The following CEMIP variants were observed in gnomAD, a reference collection of about 807,000 sequenced individuals.
CEMIP encodes the protein cell migration-inducing and hyaluronan-binding protein.
A neutral mutation model predicts 156.9 loss-of-function variants in CEMIP; 105 were observed. The observed-to-expected ratio is 0.67, with a 90% CI of 0.57 to 0.79. CEMIP has a LOEUF of 0.79. CEMIP is among the 30% of genes least tolerant of loss of function. The pLI, the probability that CEMIP is intolerant of heterozygous loss-of-function variation, is 0.00. For synonymous variants in CEMIP, 676 were observed against 668.4 expected (o/e 1.01, Z -0.17); for missense variants, 1,457 against 1,769.4 (o/e 0.82, Z 3.17).
At chr15:80,901,316 G>A (rs1899528899) in intron 12 of CEMIP, among the ~76,000 whole-genome samples, 1 of 152,096 alleles carries the variant, frequency 6.6e-6, no homozygotes. Context: ...TGAGGCTCAT[G>A]GAAATTAAAT....
rs114641784 is a variant in CEMIP, at chr15:80,940,616, A to G, written c.3408-1233A>G. 8.3e-3 allele frequency among the ~76,000 whole-genome samples: 1,261 copies of G among 152,304 alleles called. 20 individuals are homozygous for G. The highest frequency in any genetic ancestry group is 0.029 in the African/African-American group (1,208 of 41,572). ...GAGGCCTCTGTAACAGTCAGTTTCT[A>G]CTTTACTCTGAGATCACTTGATGTG... On this transcript the variant is annotated intron_variant, in intron 25 of 29. Coordinates refer to ENST00000394685, the MANE Select transcript of CEMIP (RefSeq NM_001293298.2).
intron 10 of CEMIP, among the ~76,000 whole-genome samples, chr15:80,894,175 C>T (rs1348438226): frequency 1.3e-5 from 2 of 152,172 alleles, no homozygotes; most frequent in Non-Finnish European, 2.9e-5. Context: ...ACCCAGAGCC[C>T]ACCATGCGGT....
In CEMIP at chr15:80,928,838, TCCA is replaced by T. The variant is rs1255812332; in HGVS notation, c.2421-62_2421-60del. On this transcript the variant is annotated intron_variant, in intron 19 of 29. Transcript: ENST00000394685. ...CCAAGGGCAGGGAAGTGTCCTTCTC[TCCA>T]CGACTCCACTGAATGTGAAGCCAGG... The T allele has an allele frequency of 5.0e-6, 8 of 1,603,318 alleles. No individual in the cohort carries two copies. In the East Asian group the frequency reaches 1.6e-4, roughly 31 times the overall value.
chr15:80,881,961 T>C (rs1898675571), intron 6 of CEMIP, among the ~76,000 whole-genome samples: 1 of 152,162 alleles, frequency 6.6e-6, no homozygotes, highest in Non-Finnish European at 1.5e-5. Flanking sequence ...CTGCCAAGGC[T>C]GGACCTGCCC....
chr15:80,815,470 A>C (rs1311285836), intron 1 of CEMIP, among the ~76,000 whole-genome samples: 1 of 152,260 alleles, frequency 6.6e-6, no homozygotes, highest in Non-Finnish European at 1.5e-5. Context: ...CATATGGAAA[A>C]TGCACAGTAC....
At chr15:80,907,204 A>G (rs1239914530) in intron 13 of CEMIP, among the ~76,000 whole-genome samples, 1 of 152,256 alleles carries the variant, frequency 6.6e-6, no homozygotes, top group African/African-American at 2.4e-5. Context: ...AACTTGCAAA[A>G]GGTCACATTT....
chr15:80,863,989 G>T (rs920480590), intron 1 of CEMIP, among the ~76,000 whole-genome samples: 2 of 151,756 alleles, frequency 1.3e-5, no homozygotes, highest in African/African-American at 2.4e-5. Flanking sequence ...CCCTCTTTTG[G>T]GATCTGTGCT....
intron 1 of CEMIP, among the ~76,000 whole-genome samples, chr15:80,863,747 G>A (rs141154249): frequency 1.4e-4 from 21 of 152,280 alleles, no homozygotes; most frequent in East Asian, 5.8e-4. Flanking sequence ...GAGGAAGTTC[G>A]TGGGACTAAG....
intron 14 of CEMIP, among the ~76,000 whole-genome samples, chr15:80,917,971 G>A (rs1261218720): frequency 2.6e-5 from 4 of 152,152 alleles, no homozygotes; most frequent in Non-Finnish European, 2.9e-5. Flanking sequence ...GGGAGTAGGC[G>A]GCTGTCATAT....
rs760927245 is a variant in CEMIP at position 80,941,973 on chromosome 15, A to G, written c.3532A>G (p.Thr1178Ala). 3.1e-6 allele frequency: 5 copies of G among 1,613,936 alleles called. No individual in the cohort carries two copies. In the African/African-American group the frequency reaches 5.3e-5, roughly 17 times the overall value. ...AAAGAACGCAGGCGTCAGTGACTGC[A>G]CAGCCACAGCTTACCCCAAGTTCAC... ...IPKNAGVSDC[T>A]ATAYPKFTER... is the part of the protein sequence containing the mutation. Residue 1178 changes from threonine to alanine, a missense_variant, in exon 26 of 30, where the codon ACA becomes GCA. Around this residue, in one of 5 missense-constraint regions of CEMIP, gnomAD observed 798 missense variants for 980.1 expected, o/e 0.81. Coordinates refer to ENST00000394685, the MANE Select transcript of CEMIP (RefSeq NM_001293298.2).
intron 1 of CEMIP, among the ~76,000 whole-genome samples, chr15:80,815,975 C>T (rs927314523): frequency 6.6e-6 from 1 of 152,258 alleles, no homozygotes; most frequent in African/African-American, 2.4e-5. Flanking sequence ...AGTCCATTAC[C>T]GGTGCCCTCT....
intron 21 of CEMIP, among the ~76,000 whole-genome samples, chr15:80,929,472 TC>T (rs898434863): frequency 1.3e-5 from 2 of 152,122 alleles, no homozygotes; most frequent in African/African-American, 4.8e-5. Flanking sequence ...GGACTGTGAG[TC>T]CTTTTCTCTG....
intron 14 of CEMIP, among the ~76,000 whole-genome samples, chr15:80,910,863 G>T (rs1900023841): frequency 6.6e-6 from 1 of 152,226 alleles, no homozygotes; most frequent in African/African-American, 2.4e-5. Flanking sequence ...GACTGTGCTG[G>T]AGCCATTGCT....
intron 1 of CEMIP, among the ~76,000 whole-genome samples, chr15:80,826,900 A>G (rs1271079796): frequency 6.6e-6 from 1 of 152,196 alleles, no homozygotes; most frequent in East Asian, 1.9e-4. Context: ...TCTGTTTAGC[A>G]TAACATCCTC....
intron 1 of CEMIP, among the ~76,000 whole-genome samples, chr15:80,820,558 G>T (rs890746387): frequency 2.0e-5 from 3 of 152,150 alleles, no homozygotes; most frequent in Non-Finnish European, 4.4e-5. Flanking sequence ...CAGGAGGGCT[G>T]GCTTGGCTGC....
intron 1 of CEMIP, among the ~76,000 whole-genome samples, chr15:80,817,903 T>C (rs969218987): frequency 3.3e-5 from 5 of 152,198 alleles, no homozygotes; most frequent in African/African-American, 1.2e-4. Context: ...ATTTCCATTT[T>C]GGCAATAGGT....
At chr15:80,940,818 C>G (rs1901307275) in intron 25 of CEMIP, among the ~76,000 whole-genome samples, 1 of 152,194 alleles carries the variant, frequency 6.6e-6, no homozygotes, top group South Asian at 2.1e-4. Flanking sequence ...GTCTCTCCAT[C>G]TCCCCATGTT....
At position 80,909,411 on chromosome 15, in the gene CEMIP, A is replaced by G; in HGVS notation, c.1797+105A>G. The G allele has an allele frequency of 3.5e-6, 4 of 1,143,112 alleles. No homozygotes were observed. In the South Asian group the frequency reaches 5.2e-5, roughly 15 times the overall value. The allele number at this position is 1,143,112 out of a possible 1,614,324, so 70.8% of individuals were successfully genotyped here. ...CTTAATCCAGGGCCTTTGGGGATTG[A>G]ACCATCCTTAGTTCAGGTTTCAGAA... On this transcript the variant is annotated intron_variant, in intron 14 of 29. Transcript: ENST00000394685.
intron 12 of CEMIP, chr15:80,901,047 C>A (rs1899511831): frequency 2.2e-6 from 1 of 448,040 alleles, no homozygotes; most frequent in South Asian, 1.6e-5. Flanking sequence ...TTGTCAACCA[C>A]AGTATGATTA....
Sources: gnomAD v4.1 joint callset for allele counts (sites outside exome capture counted in the v4.1 genomes callset) on GRCh38, gnomAD v4.1.1 for gene constraint, gnomAD v4.1.1 regional missense constraint, MANE v1.5 for transcripts, NCBI Gene and HGNC (gene_info 2026-07-23, HGNC 2026-07-21) for gene names.